MDN1: variants seen among roughly 807,000 people sequenced by gnomAD.
The protein encoded by MDN1 is midasin AAA ATPase 1.
A neutral mutation model predicts 669.2 loss-of-function variants in MDN1; 266 were observed. That is an observed-to-expected ratio of 0.40 (90% CI 0.36 to 0.44). MDN1 has a LOEUF of 0.44. MDN1 is among the 20% of genes least tolerant of loss of function. The pLI is 1.00. For missense variants in MDN1, 5,940 were observed against 6,754.0 expected (o/e 0.88, Z 4.22); for synonymous variants, 2,385 against 2,457.1 (o/e 0.97, Z 0.87).
intron 19 of MDN1, 112 bp downstream of exon 19, chr6:89,758,143 G>A (rs1435747221): frequency 8.9e-6 from 7 of 785,446 alleles, no homozygotes; most frequent in Admixed American, 4.7e-5. Context: ...TGGGAGGACT[G>A]CTTGAACCGG....
intron 32 of MDN1, among the ~76,000 whole-genome samples, chr6:89,739,310 T>C (rs1816165234): frequency 6.6e-6 from 1 of 152,204 alleles, no homozygotes; most frequent in South Asian, 2.1e-4. Context: ...GCCAAGCTAA[T>C]ATACACAAAC....
Position 89,684,931 on chromosome 6 carries a change from T to A in MDN1, c.11774A>T (p.Asp3925Val). 6.2e-7 allele frequency: 1 copy of A among 1,613,820 alleles called. No individual in the cohort carries two copies. The highest frequency in any genetic ancestry group is 8.5e-7 in the Non-Finnish European group (1 of 1,179,746). ...TTCCACAATTTTGGCCTGGACCCGG[T>A]CAAAGAATTGCTTGTAATAATGGTA... ...NLYHYYKQFF[D>V]RVQAKIVELR... Residue 3925 changes from aspartate (D) to valine (V), a missense_variant, in exon 71 of 102, where the codon GAC becomes GTC. Physicochemically the swap from Asp to Val is radical, Grantham distance 152. This residue lies in a region of MDN1 where 2,280 missense variants were observed against 2,576.3 expected (regional missense o/e 0.88). Transcript: ENST00000369393.
At chr6:89,677,016 C>CA (rs577064668) in intron 76 of MDN1, among the ~76,000 whole-genome samples, 34,368 of 80,200 alleles carry the variant, frequency 0.43, 5,593 homozygotes, top group East Asian at 0.57. Flanking sequence ...AATCAAAAGG[C>CA]AAAAAAAAAA....
intron 15 of MDN1, among the ~76,000 whole-genome samples, chr6:89,764,509 G>A (rs1244785157): frequency 6.6e-6 from 1 of 152,172 alleles, no homozygotes; most frequent in Non-Finnish European, 1.5e-5. Flanking sequence ...GGAAGCTGAG[G>A]TGGGAGGCTT....
chr6:89,806,801 C>T (rs1051142712), intron 1 of MDN1, among the ~76,000 whole-genome samples: 1 of 151,614 alleles, frequency 6.6e-6, no homozygotes. Context: ...CATCTACAGT[C>T]CCAGCTACTC....
chr6:89,757,729 G>A (rs573007163), intron 19 of MDN1, among the ~76,000 whole-genome samples: 1 of 152,170 alleles, frequency 6.6e-6, no homozygotes, highest in African/African-American at 2.4e-5. Flanking sequence ...GCAACATGGC[G>A]AAATCCCACG....
At chr6:89,707,567 A>G in intron 51 of MDN1, 91 bp from the exon 52 acceptor site, 1 of 826,226 alleles carries the variant, frequency 1.2e-6, no homozygotes. Context: ...TTGGAACATC[A>G]GGGTCCTTCA....
intron 2 of MDN1, among the ~76,000 whole-genome samples, chr6:89,800,427 C>CA (rs879340372): frequency 3.0e-4 from 46 of 151,102 alleles, no homozygotes; most frequent in African/African-American, 9.5e-4. Context: ...AACTCCATCT[C>CA]AAAAAAAACA....
At chr6:89,753,305 A>G (rs889895025) in intron 22 of MDN1, among the ~76,000 whole-genome samples, 8 of 152,182 alleles carry the variant, frequency 5.3e-5, no homozygotes, top group African/African-American at 1.9e-4. Flanking sequence ...TTATCTGGAA[A>G]GATTATCCAC....
intron 78 of MDN1, 199 bp downstream of exon 78, chr6:89,675,265 G>T: frequency 1.8e-6 from 1 of 555,696 alleles, no homozygotes; most frequent in Non-Finnish European, 3.2e-6. Flanking sequence ...TTCAGAGCAC[G>T]GAGGGAGAGG....
chr6:89,815,107 G>T, intron 1 of MDN1: 2 of 420,118 alleles, frequency 4.8e-6, no homozygotes, highest in South Asian at 4.0e-5. Context: ...GGATTCAGCT[G>T]TATGGAGCTG....
chr6:89,685,885 A>T lies in MDN1; in HGVS notation c.11661T>A (p.Leu3887=). ...GACAATGGAAAACCAGTAACATCTG[A>T]AGTCGCACATGGAACTCTCCCAGCG... The part of the protein sequence containing the change: ...GSSLGEFHVR[L]QMLLVFHCHV... The change falls in exon 70 of 102, where the codon CTT becomes CTA. Residue 3887 remains leucine (L), a synonymous_variant. Transcript: ENST00000369393. The T allele has an allele frequency of 1.9e-6, 3 of 1,614,170 alleles. No individual in the cohort carries two copies. The highest frequency in any genetic ancestry group is 2.5e-6 in the Non-Finnish European group (3 of 1,180,032).
At chr6:89,698,512 A>G (rs542491937) in intron 59 of MDN1, among the ~76,000 whole-genome samples, 1 of 152,234 alleles carries the variant, frequency 6.6e-6, no homozygotes, top group Non-Finnish European at 1.5e-5. Flanking sequence ...ATTTAATATA[A>G]AAATATATGT....
At chr6:89,806,757 A>C (rs536037267) in intron 1 of MDN1, among the ~76,000 whole-genome samples, 1 of 149,412 alleles carries the variant, frequency 6.7e-6, no homozygotes, top group East Asian at 2.0e-4. Flanking sequence ...TAATTAAAAA[A>C]TTTTTTTTTT....
chr6:89,737,640 A>T (rs1816061436), intron 33 of MDN1, among the ~76,000 whole-genome samples: 2 of 152,018 alleles, frequency 1.3e-5, no homozygotes, highest in Non-Finnish European at 2.9e-5. Flanking sequence ...GATTTTTCAT[A>T]ATAAAAATTA....
chr6:89,727,334 C>G (rs1815304098), intron 37 of MDN1, among the ~76,000 whole-genome samples: 1 of 152,164 alleles, frequency 6.6e-6, no homozygotes, highest in Non-Finnish European at 1.5e-5. Flanking sequence ...TGACCCAGCT[C>G]CATATCTCTA....
At chr6:89,663,099 C>A in intron 85 of MDN1, 132 bp from the exon 86 acceptor site, 1 of 943,344 alleles carries the variant, frequency 1.1e-6, no homozygotes, top group East Asian at 2.4e-5. Flanking sequence ...CAGAACACAC[C>A]CTACGGGCAG....
chr6:89,659,893 T>A (rs540601068), intron 88 of MDN1, among the ~76,000 whole-genome samples: 5 of 152,344 alleles, frequency 3.3e-5, no homozygotes, highest in South Asian at 2.1e-4. Flanking sequence ...TTATTTATTT[T>A]TTTATTTTTT....
intron 73 of MDN1, among the ~76,000 whole-genome samples, 175 bp from the exon 74 acceptor site, chr6:89,680,926 T>C (rs1456879701): frequency 6.6e-6 from 1 of 152,196 alleles, no homozygotes; most frequent in Non-Finnish European, 1.5e-5. Context: ...GAAAACCATA[T>C]TACTGCTCCA....
Sources: gnomAD v4.1 joint callset for allele counts (sites outside exome capture counted in the v4.1 genomes callset) on GRCh38, gnomAD v4.1.1 for gene constraint, gnomAD v4.1.1 regional missense constraint, MANE v1.5 for transcripts, NCBI Gene and HGNC (gene_info 2026-07-23, HGNC 2026-07-21) for gene names.